The following UMODL1 variants were observed in gnomAD, a reference collection of about 807,000 sequenced individuals.
UMODL1 encodes the protein uromodulin like 1, also known as uromodulin-like 1.
A neutral mutation model predicts 136.3 loss-of-function variants in UMODL1; 128 were observed. The ratio of observed to expected loss-of-function variants is 0.94; its 90% CI spans 0.81 to 1.09. UMODL1 has a LOEUF of 1.09. Ranked by LOEUF, UMODL1 falls within the 50% of genes least tolerant of loss-of-function variation. The pLI is 0.00. For synonymous variants in UMODL1, 721 were observed against 720.0 expected (o/e 1.00, Z -0.02); for missense variants, 1,766 against 1,725.6 (o/e 1.02, Z -0.41).
intron 22 of UMODL1, among the ~76,000 whole-genome samples, chr21:42,138,779 T>G (rs2067242263): frequency 6.6e-6 from 1 of 152,126 alleles, no homozygotes; most frequent in African/African-American, 2.4e-5. Flanking sequence ...TTCTCCATGT[T>G]GGTCAGGCTG....
At position 42,090,417 on chromosome 21, in the gene UMODL1, A is replaced by G; in HGVS notation, c.910A>G (p.Lys304Glu). Residue 304 changes from lysine (K) to glutamate (E), a missense_variant, in exon 6 of 23, where the codon AAG (lysine) becomes GAG (glutamate). Transcript: ENST00000408910. ...GGAAGCTCCAGCCACGTCTCCACGG[A>G]AGCTGAACCTGGAGTGGGAAGGTAA... ...HQEAPATSPR[K>E]LNLEWEDCPP... 2 of 1,613,966 alleles carry G rather than the reference A, an allele frequency of 1.2e-6. No individual in the cohort carries two copies. The highest frequency in any genetic ancestry group is 2.2e-5 in the South Asian group (2 of 91,062).
At chr21:42,064,122 A>G (rs924767402) in intron 1 of UMODL1, among the ~76,000 whole-genome samples, 2 of 152,136 alleles carry the variant, frequency 1.3e-5, no homozygotes, top group Non-Finnish European at 2.9e-5. Flanking sequence ...CTGGTGAATC[A>G]GATCCCTGGC....
Position 42,127,118 on chromosome 21 carries a change from G to A in UMODL1, c.3406G>A (p.Asp1136Asn), listed in dbSNP as rs377459014. Residue 1136 changes from aspartate (D) to asparagine (N), a missense_variant, in exon 19 of 23, where the codon GAT becomes AAT. Physicochemically the swap from Asp to Asn is conservative, Grantham distance 23. Coordinates refer to ENST00000408910, the MANE Select transcript of UMODL1 (RefSeq NM_001004416.3). ...PQNYSVSASD[D>N]VRIEVGLYRQ... Reference sequence around the variant, plus strand: ...GAATTATAGCGTGTCTGCCAGTGACGATGTCAGGATCGAAGTGGGGCTCTA... The same window carrying A: ...GAATTATAGCGTGTCTGCCAGTGACAATGTCAGGATCGAAGTGGGGCTCTA... The A allele has an allele frequency of 1.9e-5, 31 of 1,614,052 alleles. No homozygotes were observed. In the African/African-American group the frequency reaches 2.8e-4, roughly 15 times the overall value.
At position 42,113,534 on chromosome 21, in the gene UMODL1, G is replaced by A. The variant is rs141672123; in HGVS notation, c.2105-39G>A. ...CGAGGCTTCTTTTCTCCTAGAAATG[G>A]CTTGATTGTAATTTTGGTGTTTATA... On this transcript the variant is annotated intron_variant, in intron 12 of 22. Coordinates refer to ENST00000408910, the MANE Select transcript of UMODL1 (RefSeq NM_001004416.3). 5.6e-4 allele frequency: 885 copies of A among 1,584,464 alleles called. 2 individuals carry two copies. The highest frequency in any genetic ancestry group is 4.2e-3 in the African/African-American group (313 of 74,144).
In UMODL1 at chr21:42,102,501, T is replaced by G. The variant is rs1376236655; in HGVS notation, c.1299+223T>G. ...TCCAGATACTGGGCCAATCCATCTTTAAGATATGTGCCTTTATTCAAATGG... is the reference window on the plus strand; with the variant it reads ...TCCAGATACTGGGCCAATCCATCTTGAAGATATGTGCCTTTATTCAAATGG... On this transcript the variant is annotated intron_variant, in intron 8 of 22. Coordinates refer to ENST00000408910, the MANE Select transcript of UMODL1 (RefSeq NM_001004416.3). The G allele has an allele frequency of 3.2e-5, 13 of 400,640 alleles. No homozygotes were observed. In the East Asian group the frequency reaches 5.3e-4, roughly 16 times the overall value. 24.8% of individuals were successfully genotyped at this position (400,640 alleles called of 1,614,324 possible). A position where few individuals can be genotyped will look rare whatever the true frequency, so the allele number is the denominator to read the frequency against.
At chr21:42,103,243 C>T (rs1836455609) in intron 8 of UMODL1, 2 of 214,720 alleles carry the variant, frequency 9.3e-6, no homozygotes, top group Non-Finnish European at 1.9e-5. Context: ...GCCAGAGACC[C>T]ACAGAGTGTT....
At chr21:42,103,518 A>G (rs1438740319) in intron 8 of UMODL1, 23 of 388,854 alleles carry the variant, frequency 5.9e-5, no homozygotes, top group South Asian at 3.9e-4. Context: ...CTCTCCATCT[A>G]TCAATCAATC....
At chr21:42,081,461 A>C (rs762432429) in intron 2 of UMODL1, among the ~76,000 whole-genome samples, 31 of 152,138 alleles carry the variant, frequency 2.0e-4, no homozygotes, top group Non-Finnish European at 3.8e-4. Context: ...ACCAAGTTGG[A>C]CTTGTTCAGC....
At chr21:42,103,462 G>A (rs111297491) in intron 8 of UMODL1, 12,496 of 359,344 alleles carry the variant, frequency 0.035, 314 homozygotes, top group Middle Eastern at 0.062. Context: ...CCTAGTAAGA[G>A]GGGGGACAGC....
At chr21:42,113,505 T>G in intron 12 of UMODL1, 68 bp from the exon 13 acceptor site, 3 of 1,545,708 alleles carry the variant, frequency 1.9e-6, no homozygotes, top group Non-Finnish European at 1.7e-6. Flanking sequence ...TTTTTGGCAT[T>G]GGGCGAGGCT....
chr21:42,139,508 A>G (rs2067250817), intron 22 of UMODL1, among the ~76,000 whole-genome samples: 1 of 152,146 alleles, frequency 6.6e-6, no homozygotes, highest in South Asian at 2.1e-4. Context: ...TGGGGATCAC[A>G]TTGAACATGA....
chr21:42,117,490 C>G (rs989158352), intron 14 of UMODL1, among the ~76,000 whole-genome samples: 4 of 152,210 alleles, frequency 2.6e-5, no homozygotes, highest in African/African-American at 9.7e-5. Context: ...TAGTGACATG[C>G]CTTCTTGTGG....
intron 5 of UMODL1, among the ~76,000 whole-genome samples, chr21:42,089,646 C>A (rs2146449435): frequency 6.6e-6 from 1 of 152,314 alleles, no homozygotes. Flanking sequence ...TGAATGCCAT[C>A]AGAAAATGGA....
In UMODL1 at chr21:42,115,879, G is replaced by A. The variant is rs200103051; in HGVS notation, c.2369G>A (p.Arg790Gln). ...CTTATCCTCCATCCTGCAGCAGCCC[G>A]GAAGCTCATTGGAAAGGTCAGAATC... ...RAHLKVRTAA[R>Q]KLIGKVRIKN... The change falls in exon 14 of 23, where the codon CGG becomes CAG. Residue 790 changes from arginine to glutamine, a missense_variant. Arg to Gln is a conservative substitution (Grantham distance 43, BLOSUM62 1). Coordinates refer to ENST00000408910, the MANE Select transcript of UMODL1 (RefSeq NM_001004416.3). 1,947 of 1,613,746 alleles carry A rather than the reference G, an allele frequency of 1.2e-3. No homozygotes were observed. Among genetic ancestry groups the A allele is most frequent in the Non-Finnish European group, 1.5e-3 (1,807 of 1,179,770 alleles).
intron 8 of UMODL1, chr21:42,103,233 G>A (rs1336887930): frequency 4.9e-6 from 1 of 203,318 alleles, no homozygotes; most frequent in Non-Finnish European, 1.0e-5. Context: ...GTGTAGAAAT[G>A]CCAGAGACCC....
At chr21:42,134,251 G>T in intron 21 of UMODL1, among the ~76,000 whole-genome samples, 1 of 152,226 alleles carries the variant, frequency 6.6e-6, no homozygotes, top group Admixed American at 6.5e-5. Flanking sequence ...CCTGTATATT[G>T]ACAATTTAAG....
At chr21:42,118,384 A>G (rs1336456754) in intron 14 of UMODL1, among the ~76,000 whole-genome samples, 1 of 152,190 alleles carries the variant, frequency 6.6e-6, no homozygotes, top group Non-Finnish European at 1.5e-5. Context: ...ACCTGTGAGG[A>G]CAAACCCTGG....
chr21:42,069,516 A>G (rs942324541), upstream of UMODL1, among the ~76,000 whole-genome samples: 5 of 152,122 alleles, frequency 3.3e-5, no homozygotes, highest in African/African-American at 1.2e-4. Context: ...AGTGGAGTGG[A>G]GTGTGAAGAA....
intron 18 of UMODL1, 97 bp downstream of exon 18, chr21:42,126,587 C>T (rs2067058868): frequency 3.2e-6 from 5 of 1,551,566 alleles, no homozygotes; most frequent in Admixed American, 1.8e-5. Context: ...AAGGACCCTT[C>T]CTTGAGATGG....
Sources: gnomAD v4.1 joint callset for allele counts (sites outside exome capture counted in the v4.1 genomes callset) on GRCh38, gnomAD v4.1.1 for gene constraint, MANE v1.5 for transcripts, NCBI Gene and HGNC (gene_info 2026-07-23, HGNC 2026-07-21) for gene names.